Variants in ZNF804B observed in about 807,000 individuals in gnomAD.
The protein encoded by ZNF804B is zinc finger 804B.
In ZNF804B, 80 loss-of-function variants were observed where a neutral mutation model predicts 101.4. The ratio of observed to expected loss-of-function variants is 0.79; its 90% CI spans 0.66 to 0.95. ZNF804B has a LOEUF of 0.95. Ranked by LOEUF, ZNF804B falls within the 40% of genes least tolerant of loss-of-function variation. The pLI, the probability that ZNF804B is intolerant of heterozygous loss-of-function variation, is 0.00. For missense variants in ZNF804B, 1,673 were observed against 1,561.9 expected (o/e 1.07, Z -1.20); for synonymous variants, 622 against 558.8 (o/e 1.11, Z -1.59).
chr7:88,952,738 C>T (rs1793244068), intron 1 of ZNF804B, among the ~76,000 whole-genome samples: 1 of 151,730 alleles, frequency 6.6e-6, no homozygotes, highest in South Asian at 2.1e-4. Context: ...CCATAGATGC[C>T]TTTGATATTT....
At chr7:88,996,709 T>A (rs1399823307) in intron 1 of ZNF804B, among the ~76,000 whole-genome samples, 3 of 152,152 alleles carry the variant, frequency 2.0e-5, no homozygotes, top group Non-Finnish European at 4.4e-5. Flanking sequence ...CTTTGTCTTA[T>A]ACATGAATTA....
intron 1 of ZNF804B, among the ~76,000 whole-genome samples, chr7:89,168,776 TCAA>T (rs931049838): frequency 6.7e-6 from 1 of 148,778 alleles, no homozygotes; most frequent in African/African-American, 2.5e-5. Flanking sequence ...TCCTTATTCA[TCAA>T]CAATAACTAC....
Position 89,336,413 on chromosome 7 carries a change from T to C in ZNF804B, c.3431T>C (p.Ile1144Thr). ...CATAAATCTATCTCTCCCCCTTTAA[T>C]TCAACAGCCCATAACATTTTCTCCT... ...MCHKSISPPL[I>T]QQPITFSPDE... The change falls in exon 4 of 4, where the codon ATT becomes ACT. Residue 1144 changes from isoleucine to threonine, a missense_variant. Ile to Thr is a moderately conservative substitution (Grantham distance 89). Transcript: ENST00000333190. 1 of 1,614,112 alleles carries C rather than the reference T, an allele frequency of 6.2e-7. No homozygotes were observed. The highest frequency in any genetic ancestry group is 8.5e-7 in the Non-Finnish European group (1 of 1,180,018).
chr7:88,849,157 C>T (rs1281774170), intron 1 of ZNF804B, among the ~76,000 whole-genome samples: 1 of 151,938 alleles, frequency 6.6e-6, no homozygotes, highest in Non-Finnish European at 1.5e-5. Flanking sequence ...ACACTTAGTC[C>T]TTTAGCCTTT....
chr7:88,980,850 G>A (rs953057225), intron 1 of ZNF804B, among the ~76,000 whole-genome samples: 3 of 151,976 alleles, frequency 2.0e-5, no homozygotes, highest in Admixed American at 1.3e-4. Flanking sequence ...CCCAAGTGCT[G>A]TACAATTTAC....
intron 1 of ZNF804B, among the ~76,000 whole-genome samples, chr7:89,151,880 C>A (rs999230229): frequency 2.8e-4 from 42 of 152,116 alleles, no homozygotes; most frequent in African/African-American, 9.4e-4. Context: ...GTCTGAGGGT[C>A]ACATGATAAG....
intron 1 of ZNF804B, among the ~76,000 whole-genome samples, chr7:89,012,705 C>T (rs1788483547): frequency 2.0e-5 from 3 of 152,104 alleles, no homozygotes; most frequent in Admixed American, 2.0e-4. Flanking sequence ...CAAACTTTCC[C>T]ATATTTTCTT....
intron 1 of ZNF804B, among the ~76,000 whole-genome samples, chr7:88,843,574 A>G (rs1001817449): frequency 6.6e-6 from 1 of 152,010 alleles, no homozygotes; most frequent in African/African-American, 2.4e-5. Context: ...CGTCTCTACT[A>G]AAAATACAAA....
chr7:88,835,449 A>T (rs1791199206), intron 1 of ZNF804B, among the ~76,000 whole-genome samples: 1 of 151,944 alleles, frequency 6.6e-6, no homozygotes, highest in Non-Finnish European at 1.5e-5. Flanking sequence ...AAAAGCAAAA[A>T]GTGTTTTTAA....
intron 1 of ZNF804B, among the ~76,000 whole-genome samples, chr7:88,840,367 G>C (rs1349909491): frequency 1.3e-5 from 2 of 151,926 alleles, no homozygotes; most frequent in Non-Finnish European, 2.9e-5. Context: ...TTTCCCATCT[G>C]GATAAATATG....
At chr7:89,132,271 TAAATC>T (rs1256949830) in intron 1 of ZNF804B, among the ~76,000 whole-genome samples, 2 of 150,398 alleles carry the variant, frequency 1.3e-5, no homozygotes, top group African/African-American at 2.5e-5. Flanking sequence ...CAGAAAAAAA[TAAATC>T]AGTGAGAACT....
At chr7:88,819,791 G>T (rs184263802) in intron 1 of ZNF804B, among the ~76,000 whole-genome samples, 6 of 151,974 alleles carry the variant, frequency 3.9e-5, no homozygotes, top group African/African-American at 1.5e-4. Context: ...AAAATTTAGC[G>T]CAATTATTCT....
chr7:88,764,433 G>A (rs993107710), intron 1 of ZNF804B, among the ~76,000 whole-genome samples: 13 of 152,070 alleles, frequency 8.5e-5, no homozygotes, highest in Admixed American at 5.2e-4. Flanking sequence ...AATCAGGGTC[G>A]CTGAATGTTT....
intron 1 of ZNF804B, among the ~76,000 whole-genome samples, chr7:89,001,332 A>G (rs1788284796): frequency 6.6e-6 from 1 of 151,530 alleles, no homozygotes; most frequent in Non-Finnish European, 1.5e-5. Context: ...TTCACAATGA[A>G]TATATTCTTT....
chr7:89,265,293 T>TGCGCGC (rs1554386387), intron 2 of ZNF804B, among the ~76,000 whole-genome samples: 4 of 120,536 alleles, frequency 3.3e-5, no homozygotes, highest in African/African-American at 1.3e-4. Context: ...TGTGTGTGTG[T>TGCGCGC]GCGCGTGCGC....
chr7:89,171,282 G>GCTC (rs1491140157), intron 1 of ZNF804B, among the ~76,000 whole-genome samples: 3 of 95,564 alleles, frequency 3.1e-5, no homozygotes, highest in Non-Finnish European at 4.4e-5. Context: ...AAATAATGCT[G>GCTC]CTGCTGCTTC....
Position 88,856,515 on chromosome 7 carries a change from A to G in ZNF804B, c.108+96431A>G, listed in dbSNP as rs193127144. On this transcript the variant is annotated intron_variant, in intron 1 of 3. Transcript: ENST00000333190. ...CTTAAGGAGATTTTGGGCTGAGACA[A>G]TGGGGTTTTCTAGATACACAATCAT... Among the ~76,000 whole-genome samples the G allele has an allele frequency of 8.0e-4, 121 of 152,186 alleles. No homozygotes were observed. In the East Asian group the frequency reaches 0.013, roughly 17 times the overall value.
intron 1 of ZNF804B, among the ~76,000 whole-genome samples, chr7:89,059,323 G>T (rs543607382): frequency 6.6e-6 from 1 of 152,308 alleles, no homozygotes; most frequent in African/African-American, 2.4e-5. Context: ...CTCACATTCT[G>T]CAGGCTGTAC....
chr7:89,231,720 TTC>T (rs768240081), intron 2 of ZNF804B, among the ~76,000 whole-genome samples: 6 of 152,086 alleles, frequency 3.9e-5, no homozygotes, highest in African/African-American at 7.2e-5. Context: ...TAATTTGACT[TTC>T]TGTTTGTTGC....
Sources: allele counts gnomAD v4.1 joint callset (sites outside exome capture counted in the v4.1 genomes callset), GRCh38; gene constraint gnomAD v4.1.1; transcripts MANE v1.5; gene names NCBI Gene and HGNC (gene_info 2026-07-23, HGNC 2026-07-21).